Variants in WDFY4 observed in about 807,000 individuals in gnomAD.
WDFY4 encodes the protein WD repeat- and FYVE domain-containing protein 4.
A neutral mutation model predicts 351.9 loss-of-function variants in WDFY4; 169 were observed. The observed-to-expected ratio is 0.48, with a 90% CI of 0.42 to 0.55. WDFY4 has a LOEUF of 0.55. Ranked by LOEUF, WDFY4 falls within the 20% of genes least tolerant of loss-of-function variation. WDFY4 has a pLI of 0.00. For missense variants in WDFY4, 3,803 were observed against 3,935.6 expected (o/e 0.97, Z 0.90); for synonymous variants, 1,622 against 1,574.6 (o/e 1.03, Z -0.71).
rs767327464 is a variant in WDFY4, at chr10:48,725,966, C to T, written c.677C>T (p.Thr226Ile). ...CTGCAGTCTCTGCTGATTGCCACGA[C>T]CTGCCTTCGGGAGCACAGCTGCTGC... ...SELQSLLIAT[T>I]CLREHSCCFW... The change falls in exon 6 of 62, where the codon ACC becomes ATC. Residue 226 changes from threonine to isoleucine, a missense_variant. Thr to Ile is a moderately conservative substitution (Grantham distance 89). This residue lies in a region of WDFY4 where 488 missense variants were observed against 456.8 expected (regional missense o/e 1.07). Transcript: ENST00000325239. 5.2e-6 allele frequency: 8 copies of T among 1,551,630 alleles called. No individual in the cohort carries two copies. Among genetic ancestry groups the T allele is most frequent in the Non-Finnish European group, 7.0e-6 (8 of 1,147,008 alleles).
chr10:48,934,940 C>T (rs1389448075), intron 47 of WDFY4, among the ~76,000 whole-genome samples: 3 of 152,214 alleles, frequency 2.0e-5, no homozygotes, highest in East Asian at 3.9e-4. Flanking sequence ...CGAGGATGCC[C>T]ACTGTGCCCT....
chr10:48,779,953 C>T lies in WDFY4; in HGVS notation c.3410C>T (p.Pro1137Leu). The T allele has an allele frequency of 6.4e-7, 1 of 1,551,704 alleles. No individual in the cohort carries two copies. The highest frequency in any genetic ancestry group is 8.7e-7 in the Non-Finnish European group (1 of 1,147,018). ...KEFQPLDVME[P>L]EDDSEPSAGC... The stretch of plus-strand genomic sequence containing the variant: ...TGCTGTCTTCCAGATGTCATGGAAC[C>T]TGAGGATGACTCCGAGCCTTCTGCA... Residue 1137 changes from proline (P) to leucine (L), a missense_variant, in exon 19 of 62, where the codon CCT becomes CTT. Physicochemically the swap from Pro to Leu is moderately conservative, Grantham distance 98. Around this residue, in one of 3 missense-constraint regions of WDFY4, gnomAD observed 3,054 missense variants for 3,148.6 expected, o/e 0.97. Coordinates refer to ENST00000325239, the MANE Select transcript of WDFY4 (RefSeq NM_001394531.1).
At chr10:48,697,374 C>T (rs1324955197) in intron 1 of WDFY4, among the ~76,000 whole-genome samples, 1 of 152,250 alleles carries the variant, frequency 6.6e-6, no homozygotes, top group African/African-American at 2.4e-5. Context: ...CCCCTGGCCT[C>T]ACCTGGGGAC....
intron 47 of WDFY4, among the ~76,000 whole-genome samples, chr10:48,907,132 A>G (rs542239523): frequency 5.3e-5 from 8 of 152,322 alleles, no homozygotes; most frequent in South Asian, 4.1e-4. Flanking sequence ...TTATTTTTGT[A>G]CAGGCATTTC....
intron 61 of WDFY4, among the ~76,000 whole-genome samples, chr10:48,982,006 G>A (rs890214049): frequency 6.6e-6 from 1 of 152,182 alleles, no homozygotes; most frequent in African/African-American, 2.4e-5. Flanking sequence ...CTTAGGGGCC[G>A]CTGACCTTGC....
intron 42 of WDFY4, among the ~76,000 whole-genome samples, chr10:48,875,815 A>G (rs978117652): frequency 5.3e-5 from 8 of 152,186 alleles, no homozygotes; most frequent in Non-Finnish European, 1.2e-4. Flanking sequence ...ACAAGCCCAG[A>G]AGTGAGGATC....
intron 11 of WDFY4, among the ~76,000 whole-genome samples, chr10:48,740,196 G>T (rs733394): frequency 0.41 from 62,142 of 151,924 alleles, 13,642 homozygotes; most frequent in Admixed American, 0.5. Context: ...CCTTTGTGAC[G>T]GATTGACTTT....
intron 1 of WDFY4, among the ~76,000 whole-genome samples, chr10:48,700,016 C>A (rs568998647): frequency 6.6e-6 from 1 of 152,326 alleles, no homozygotes; most frequent in African/African-American, 2.4e-5. Flanking sequence ...GTTCAGAAAT[C>A]TGGTTTTAAC....
rs545194283 is a variant in WDFY4 at position 48,863,151 on chromosome 10, G to A, written c.6664-4114G>A. 2.6e-5 allele frequency among the ~76,000 whole-genome samples: 4 copies of A among 152,158 alleles called. No individual in the cohort carries two copies. The East Asian group carries it at 7.7e-4, about 29-fold the overall frequency. On this transcript the variant is annotated intron_variant, in intron 39 of 61. Transcript: ENST00000325239. ...ACTTTTGACTATTATGAATAATATT[G>A]CTATAAACATTCATGTATAAGTTTC...
chr10:48,747,187 G>C (rs919807087), intron 12 of WDFY4, among the ~76,000 whole-genome samples: 1 of 152,072 alleles, frequency 6.6e-6, no homozygotes, highest in Admixed American at 6.5e-5. Flanking sequence ...GTAAATGGAA[G>C]GTCTCCCCAG....
At chr10:48,834,529 C>A (rs982933289) in intron 39 of WDFY4, among the ~76,000 whole-genome samples, 1 of 152,228 alleles carries the variant, frequency 6.6e-6, no homozygotes, top group African/African-American at 2.4e-5. Context: ...AGGTCAAGAT[C>A]ATCCTATAGG....
At chr10:48,772,517 C>CTTTTTTTTTTTTTTTTTTTTCTTTTTT (rs10672319) in intron 13 of WDFY4, among the ~76,000 whole-genome samples, 1 of 70,652 alleles carries the variant, frequency 1.4e-5, no homozygotes, top group African/African-American at 5.5e-5. Flanking sequence ...GAGGGCAGTT[C>CTTTTTTTTTTTTTTTTTTTTCTTTTTT]TTTTTTTTTT....
intron 54 of WDFY4, 82 bp downstream of exon 54, chr10:48,964,136 AAGG>A: frequency 6.9e-7 from 1 of 1,448,050 alleles, no homozygotes. Context: ...GGTGAAAGTG[AAGG>A]AGATGGCTGA....
chr10:48,761,461 G>A (rs117223741), intron 13 of WDFY4, among the ~76,000 whole-genome samples: 2 of 152,290 alleles, frequency 1.3e-5, no homozygotes, highest in East Asian at 3.9e-4. Context: ...GTGATAGCTG[G>A]ATTAGGGTGG....
chr10:48,847,772 AT>A (rs372684837), intron 39 of WDFY4, among the ~76,000 whole-genome samples: 12 of 151,822 alleles, frequency 7.9e-5, no homozygotes, highest in African/African-American at 2.2e-4. Context: ...ACCAGTGTGG[AT>A]TTTTTTTTAA....
chr10:48,736,148 A>T, intron 11 of WDFY4, 78 bp downstream of exon 11: 1 of 1,503,656 alleles, frequency 6.7e-7, no homozygotes, highest in Middle Eastern at 1.7e-4. Context: ...AGGCATTTGT[A>T]TTCATGTAAT....
intron 39 of WDFY4, among the ~76,000 whole-genome samples, chr10:48,845,685 A>G (rs1380275456): frequency 2.0e-5 from 3 of 152,162 alleles, no homozygotes; most frequent in East Asian, 3.8e-4. Flanking sequence ...TTATGTATTT[A>G]TTTATATTCT....
At chr10:48,717,557 T>C (rs1379144003) in intron 2 of WDFY4, among the ~76,000 whole-genome samples, 2 of 152,222 alleles carry the variant, frequency 1.3e-5, no homozygotes, top group African/African-American at 4.8e-5. Context: ...TCTCTTGAAT[T>C]TGGGGTGCCT....
chr10:48,873,568 G>A lies in WDFY4; in HGVS notation c.6819G>A (p.Leu2273=). The change falls in exon 41 of 62, where the codon TTG becomes TTA. Residue 2273 remains leucine (L), a synonymous_variant. Transcript: ENST00000325239. ...IQEQLFGELG[L]WSQGEETKPC... ...AGCAGCTTTTTGGGGAGCTGGGCTT[G>A]TGGAGCCAGGGGGAAGAAACCAAGC... 1 of 1,551,790 alleles carries A rather than the reference G, an allele frequency of 6.4e-7. No homozygotes were observed. The highest frequency in any genetic ancestry group is 8.7e-7 in the Non-Finnish European group (1 of 1,147,020).
Sources: gnomAD v4.1 joint callset for allele counts (sites outside exome capture counted in the v4.1 genomes callset) on GRCh38, gnomAD v4.1.1 for gene constraint, gnomAD v4.1.1 regional missense constraint, MANE v1.5 for transcripts, NCBI Gene and HGNC (gene_info 2026-07-23, HGNC 2026-07-21) for gene names.